The following GZMK variants were observed in gnomAD, a reference collection of about 807,000 sequenced individuals.
The protein encoded by GZMK is NK-Tryp-2.
Under a neutral mutation model 22.8 loss-of-function variants are expected in GZMK, and 18 were observed. The observed-to-expected ratio is 0.79, with a 90% confidence interval of 0.54 to 1.17. GZMK has a LOEUF of 1.17. Among genes scored for constraint, GZMK ranks in the 50% most tolerant of loss-of-function variants. GZMK has a pLI of 0.00. For missense variants in GZMK, 342 were observed against 320.2 expected, an observed-to-expected ratio of 1.07 and a Z score of -0.52; for synonymous variants, 136 against 115.0, an observed-to-expected ratio of 1.18 and a Z score of -1.17.
In GZMK at chr5:55,033,871, C is replaced by T. The variant is rs1313370392; in HGVS notation, c.740C>T (p.Thr247Ile). The change falls in exon 5 of 5, where the codon ACC becomes ATC. Residue 247 changes from threonine to isoleucine, a missense_variant. Transcript: ENST00000231009. ...ATKPGIYTLL[T>I]KKYQTWIKSN... is the part of the protein sequence containing the mutation. Reference sequence around the variant, plus strand: ...AAGCCTGGAATCTACACCCTGTTAACCAAGAAATACCAGACTTGGATCAAA... The same window carrying T: ...AAGCCTGGAATCTACACCCTGTTAATCAAGAAATACCAGACTTGGATCAAA... The T allele has an allele frequency of 4.3e-6, 7 of 1,613,654 alleles. No individual in the cohort carries two copies. The Admixed American group carries it at 6.7e-5, about 15-fold the overall frequency.
intron 2 of GZMK, chr5:55,025,789 T>TCAAA (rs1741134357): frequency 6.6e-6 from 1 of 152,250 alleles, no homozygotes; most frequent in Non-Finnish European, 1.5e-5. Context: ...TGAATTGATT[T>TCAAA]GCTTTTCTAT....
In GZMK at chr5:55,034,489, C is replaced by G. The variant is rs1741286058; in HGVS notation, c.*563C>G. ...CCCATCCTCTGGCAACCCCATTCTACTCTAAGCTTCTATGAGTTTGTATTT... is the reference window on the plus strand; with the variant it reads ...CCCATCCTCTGGCAACCCCATTCTAGTCTAAGCTTCTATGAGTTTGTATTT... On this transcript the variant is annotated 3_prime_UTR_variant, in exon 5 of 5. Coordinates refer to ENST00000231009, the MANE Select transcript of GZMK (RefSeq NM_002104.3). The G allele has an allele frequency of 6.6e-6, 1 of 152,222 alleles. No individual in the cohort carries two copies. The highest frequency in any genetic ancestry group is 1.5e-5 in the Non-Finnish European group (1 of 68,048). 9.4% of individuals were successfully genotyped at this position (152,222 alleles called of 1,614,324 possible). A position where few individuals can be genotyped will look rare whatever the true frequency, so the allele number is the denominator to read the frequency against.
chr5:55,033,170 A>C (rs1741260782), intron 4 of GZMK, among the ~76,000 whole-genome samples: 1 of 152,244 alleles, frequency 6.6e-6, no homozygotes, highest in Non-Finnish European at 1.5e-5. Flanking sequence ...GTCTTCAAAA[A>C]TCATTTCATT....
chr5:55,032,260 G>T (rs1216230349), intron 4 of GZMK, among the ~76,000 whole-genome samples: 1 of 152,176 alleles, frequency 6.6e-6, no homozygotes, highest in African/African-American at 2.4e-5. Flanking sequence ...TAGATGGGGT[G>T]AGGGGTCTCT....
intron 2 of GZMK, chr5:55,025,633 G>A (rs1279874143): frequency 3.0e-5 from 4 of 135,014 alleles, no homozygotes; most frequent in Non-Finnish European, 6.1e-5. Context: ...TGGGTTTTTG[G>A]TTTTGTTTTT....
chr5:55,024,451 A>G, intron 1 of GZMK, 65 bp downstream of exon 1: 2 of 844,168 alleles, frequency 2.4e-6, no homozygotes, highest in South Asian at 1.5e-5. Context: ...TTGTTATATT[A>G]TAGATGAAAA....
intron 2 of GZMK, chr5:55,026,844 C>G (rs1741149469): frequency 6.6e-6 from 1 of 152,228 alleles, no homozygotes; most frequent in Non-Finnish European, 1.5e-5. Context: ...AAGCAAAACT[C>G]TCACCAGCTG....
At chr5:55,026,519 T>G (rs1307418622) in intron 2 of GZMK, among the ~76,000 whole-genome samples, 1 of 152,066 alleles carries the variant, frequency 6.6e-6, no homozygotes, top group Non-Finnish European at 1.5e-5. Flanking sequence ...ACAGGACACT[T>G]GGGTGTAAAA....
At chr5:55,033,679 C>A in intron 4 of GZMK, 86 bp from the exon 5 acceptor site, 1 of 922,856 alleles carries the variant, frequency 1.1e-6, no homozygotes, top group Non-Finnish European at 1.7e-6. Flanking sequence ...GATGATAATC[C>A]CTTGAGCAAT....
At chr5:55,031,928 A>G (rs1741242247) in intron 4 of GZMK, among the ~76,000 whole-genome samples, 1 of 152,240 alleles carries the variant, frequency 6.6e-6, no homozygotes, top group African/African-American at 2.4e-5. Context: ...TCCTCCTTAC[A>G]AAGTCTACCA....
intron 2 of GZMK, 189 bp from the exon 3 acceptor site, chr5:55,030,244 AG>A: frequency 2.0e-6 from 1 of 511,518 alleles, no homozygotes; most frequent in Admixed American, 3.7e-5. Flanking sequence ...ATTAAGGGCA[AG>A]TCATTTGGCC....
rs934446681 is a variant in GZMK at position 55,034,173 on chromosome 5, T to C, written c.*247T>C. The C allele has an allele frequency of 4.7e-6, 2 of 427,254 alleles. No homozygotes were observed. The highest frequency in any genetic ancestry group is 4.1e-5 in the Admixed American group (1 of 24,476). 26.5% of individuals were successfully genotyped at this position (427,254 alleles called of 1,614,324 possible). Reference sequence around the variant, plus strand: ...TCACATGAAGTAATATCTGCCCCCATTGCACCCACACTCGCCAAAGGGCAA... The same window carrying C: ...TCACATGAAGTAATATCTGCCCCCACTGCACCCACACTCGCCAAAGGGCAA... On this transcript the variant is annotated 3_prime_UTR_variant, in exon 5 of 5. Transcript: ENST00000231009.
intron 2 of GZMK, chr5:55,025,024 T>C: frequency 2.5e-6 from 1 of 400,462 alleles, no homozygotes; most frequent in Non-Finnish European, 4.5e-6. Flanking sequence ...GGCAAGACAT[T>C]AGACAAATTC....
chr5:55,032,073 A>G (rs1347339956), intron 4 of GZMK, among the ~76,000 whole-genome samples: 1 of 152,204 alleles, frequency 6.6e-6, no homozygotes, highest in Non-Finnish European at 1.5e-5. Flanking sequence ...AGTAATGCTG[A>G]CTGACTGTCT....
intron 2 of GZMK, among the ~76,000 whole-genome samples, chr5:55,029,402 T>C (rs1335827077): frequency 6.6e-6 from 1 of 152,198 alleles, no homozygotes; most frequent in Non-Finnish European, 1.5e-5. Flanking sequence ...TCCTTTCTTG[T>C]CCAAATCTTT....
chr5:55,025,071 A>G (rs568834806), intron 2 of GZMK: 8 of 270,338 alleles, frequency 3.0e-5, no homozygotes, highest in Non-Finnish European at 4.8e-5. Flanking sequence ...CAGCAACAGT[A>G]ATACTTGAAG....
rs533655367 is a variant in GZMK at position 55,026,054 on chromosome 5, C to T, written c.212+1247C>T. Among the ~76,000 whole-genome samples the T allele has an allele frequency of 8.1e-4, 124 of 152,306 alleles. 1 individual carries two copies. Among genetic ancestry groups the T allele is most frequent in the African/African-American group, 2.8e-3 (117 of 41,562 alleles). On this transcript the variant is annotated intron_variant, in intron 2 of 4. Coordinates refer to ENST00000231009, the MANE Select transcript of GZMK (RefSeq NM_002104.3). Reference sequence around the variant, plus strand: ...GAGAGACAGAGTGGGGAACTGTCAGCGAATGTTCATTTGATGCAAAATATG... The same window carrying T: ...GAGAGACAGAGTGGGGAACTGTCAGTGAATGTTCATTTGATGCAAAATATG...
intron 2 of GZMK, among the ~76,000 whole-genome samples, chr5:55,027,238 C>G (rs1434494450): frequency 6.6e-6 from 1 of 152,166 alleles, no homozygotes. Context: ...TAGATGTTAT[C>G]GAGTATTGTT....
chr5:55,030,509 A>C lies in GZMK; in HGVS notation c.288A>C (p.Thr96=), dbSNP rs1580300207. The part of the protein sequence containing the change: ...SLSKNEASKQ[T]LEIKKFIPFS... ...CAAAGAATGAGGCCTCCAAACAAAC[A>C]CTGGAGATCAAAAAATTTATACCAT... The change falls in exon 3 of 5, where the codon ACA becomes ACC. Residue 96 remains threonine, a synonymous_variant. Coordinates refer to ENST00000231009, the MANE Select transcript of GZMK (RefSeq NM_002104.3). 2 of 1,611,546 alleles carry C rather than the reference A, an allele frequency of 1.2e-6. No individual in the cohort carries two copies. The highest frequency in any genetic ancestry group is 1.7e-6 in the Non-Finnish European group (2 of 1,177,664).
Sources: allele counts gnomAD v4.1 joint callset (sites outside exome capture counted in the v4.1 genomes callset), GRCh38; gene constraint gnomAD v4.1.1; transcripts MANE v1.5; gene names NCBI Gene and HGNC (gene_info 2026-07-23, HGNC 2026-07-21).